Variants in GRM5 observed in about 807,000 individuals in gnomAD.
GRM5 encodes metabotropic glutamate receptor 5.
GRM5 carries 19 observed loss-of-function variants against 83.1 expected under a neutral mutation model. The observed-to-expected ratio is 0.23, with a 90% CI of 0.16 to 0.34. The LOEUF (loss-of-function observed/expected upper bound fraction) is 0.34, where lower values mean the gene tolerates loss of function less well. Among genes scored for constraint, GRM5 ranks in the 10% least tolerant of loss-of-function variants. GRM5 has a pLI of 1.00. For synonymous variants in GRM5, 675 were observed against 633.6 expected, an observed-to-expected ratio of 1.07 and a Z score of -0.98; for missense variants, 1,160 against 1,588.3, an observed-to-expected ratio of 0.73 and a Z score of 4.58.
chr11:88,943,471 A>T (rs1938177271), intron 2 of GRM5, among the ~76,000 whole-genome samples: 1 of 152,060 alleles, frequency 6.6e-6, no homozygotes, highest in African/African-American at 2.4e-5. Flanking sequence ...CTAATTTTCT[A>T]TTGTACATAT....
At chr11:89,019,419 G>A (rs189199599) in intron 2 of GRM5, among the ~76,000 whole-genome samples, 1 of 151,922 alleles carries the variant, frequency 6.6e-6, no homozygotes, top group African/African-American at 2.4e-5. Context: ...TTTCAGCTGG[G>A]CATGGTGGCT....
chr11:89,031,004 T>G (rs1283201002), intron 2 of GRM5, among the ~76,000 whole-genome samples: 1 of 151,992 alleles, frequency 6.6e-6, no homozygotes, highest in East Asian at 1.9e-4. Flanking sequence ...GTAGAACTTA[T>G]GAAGAAAGAT....
intron 3 of GRM5, among the ~76,000 whole-genome samples, chr11:88,785,821 A>T (rs895871069): frequency 1.1e-4 from 17 of 152,132 alleles, no homozygotes; most frequent in African/African-American, 4.1e-4. Flanking sequence ...AGTAGTGACT[A>T]TGCACCATTT....
intron 4 of GRM5, among the ~76,000 whole-genome samples, chr11:88,617,452 A>T (rs1248288021): frequency 6.6e-6 from 1 of 152,238 alleles, no homozygotes; most frequent in Non-Finnish European, 1.5e-5. Flanking sequence ...AAAAGCAGCC[A>T]AATCGTGGAA....
chr11:88,638,396 G>A (rs1370510577), intron 4 of GRM5, among the ~76,000 whole-genome samples: 1 of 151,598 alleles, frequency 6.6e-6, no homozygotes, highest in African/African-American at 2.4e-5. Context: ...GTCTATATGA[G>A]GTATATTGGG....
chr11:89,007,948 T>C (rs1438906744), intron 2 of GRM5, among the ~76,000 whole-genome samples: 2 of 152,232 alleles, frequency 1.3e-5, no homozygotes, highest in African/African-American at 4.8e-5. Context: ...AATATTAATG[T>C]ATCTATAATA....
chr11:88,612,924 TTG>T (rs1303230784), intron 4 of GRM5: 2 of 152,242 alleles, frequency 1.3e-5, no homozygotes, highest in Admixed American at 6.5e-5. Context: ...AAAGAATTTT[TTG>T]ATTTCTGCTT....
chr11:88,764,817 A>G (rs1258241520), intron 3 of GRM5, among the ~76,000 whole-genome samples: 1 of 151,448 alleles, frequency 6.6e-6, no homozygotes, highest in Admixed American at 6.6e-5. Context: ...AAACCCAAAG[A>G]TAGAAGAAGG....
intron 2 of GRM5, among the ~76,000 whole-genome samples, chr11:88,954,132 G>A (rs1371578154): frequency 6.6e-6 from 1 of 152,122 alleles, no homozygotes; most frequent in Non-Finnish European, 1.5e-5. Context: ...TCAATGTTAA[G>A]TCCATAGGTT....
At chr11:89,009,929 A>AAAAACAC (rs752780249) in intron 2 of GRM5, among the ~76,000 whole-genome samples, 5 of 102,388 alleles carry the variant, frequency 4.9e-5, no homozygotes, top group Non-Finnish European at 7.7e-5. Context: ...AAAAAAAAAA[A>AAAAACAC]ACACACACAA....
chr11:88,770,399 G>A (rs1499175), intron 3 of GRM5, among the ~76,000 whole-genome samples: 8,080 of 152,120 alleles, frequency 0.053, 402 homozygotes, highest in Admixed American at 0.16. Context: ...CTACACTAAT[G>A]TAATGTGTTA....
Position 89,023,891 on chromosome 11 carries a change from AAAT to A in GRM5, c.661+23318_661+23320del, listed in dbSNP as rs1396972465. 9.2e-3 allele frequency among the ~76,000 whole-genome samples: 1,104 copies of A among 120,380 alleles called. 11 individuals are homozygous for A. The highest frequency in any genetic ancestry group is 0.03 in the African/African-American group (1,018 of 33,736). 79.0% of individuals were successfully genotyped at this position (120,380 alleles called of 152,430 possible). A position where few individuals can be genotyped will look rare whatever the true frequency, so the allele number is the denominator to read the frequency against. ...TAAATAAATAAATAAATAAATAAAT[AAAT>A]AAAAATAAATTTTAAAATAATGATC... On this transcript the variant is annotated intron_variant, in intron 2 of 9. Coordinates refer to ENST00000305447, the MANE Select transcript of GRM5 (RefSeq NM_001143831.3).
At chr11:88,803,290 A>G (rs1387609561) in intron 3 of GRM5, among the ~76,000 whole-genome samples, 4 of 151,826 alleles carry the variant, frequency 2.6e-5, no homozygotes, top group African/African-American at 7.3e-5. Flanking sequence ...AAAGTATACT[A>G]CAAGGCTACA....
At chr11:88,908,727 T>C (rs1226818422) in intron 2 of GRM5, among the ~76,000 whole-genome samples, 2 of 152,180 alleles carry the variant, frequency 1.3e-5, no homozygotes, top group African/African-American at 4.8e-5. Flanking sequence ...ACATGAATTA[T>C]GATTTCCTCA....
intron 2 of GRM5, among the ~76,000 whole-genome samples, chr11:88,862,919 G>GA: frequency 6.6e-6 from 1 of 151,650 alleles, no homozygotes; most frequent in Non-Finnish European, 1.5e-5. Flanking sequence ...AAATTTACAA[G>GA]AAAAAAACAA....
intron 3 of GRM5, among the ~76,000 whole-genome samples, chr11:88,724,280 T>TA (rs1255417266): frequency 6.6e-6 from 1 of 152,120 alleles, no homozygotes; most frequent in African/African-American, 2.4e-5. Context: ...CTTCACCTGT[T>TA]AAAATCATAT....
At chr11:88,825,587 G>A (rs1276479582) in intron 3 of GRM5, among the ~76,000 whole-genome samples, 1 of 152,134 alleles carries the variant, frequency 6.6e-6, no homozygotes, top group Non-Finnish European at 1.5e-5. Context: ...AAAAGAAATT[G>A]ACAACACAAA....
chr11:88,646,918 G>A (rs560836839), intron 4 of GRM5, among the ~76,000 whole-genome samples: 184 of 126,124 alleles, frequency 1.5e-3, no homozygotes, highest in African/African-American at 4.6e-3. Flanking sequence ...ACCACAAATT[G>A]GTTGGCTTAA....
chr11:89,053,146 C>T (rs1941795391), intron 1 of GRM5, among the ~76,000 whole-genome samples: 2 of 152,072 alleles, frequency 1.3e-5, no homozygotes, highest in African/African-American at 4.8e-5. Context: ...TCAAACTATA[C>T]ATTAACGAGC....
Sources: gnomAD v4.1 joint callset for allele counts (sites outside exome capture counted in the v4.1 genomes callset) on GRCh38, gnomAD v4.1.1 for gene constraint, MANE v1.5 for transcripts, NCBI Gene and HGNC (gene_info 2026-07-23, HGNC 2026-07-21) for gene names.